ELL: variants seen among roughly 807,000 people sequenced by gnomAD.
The protein encoded by ELL is RNA polymerase II elongation factor ELL.
Under a neutral mutation model 64.0 loss-of-function variants are expected in ELL, and 18 were observed. That is an observed-to-expected ratio of 0.28 (90% CI 0.19 to 0.42). The LOEUF is 0.42. ELL is among the 10% of genes least tolerant of loss of function. The pLI is 1.00. For missense variants in ELL, 797 were observed against 870.4 expected (o/e 0.92, Z 1.06); for synonymous variants, 399 against 376.2 (o/e 1.06, Z -0.70).
At chr19:18,508,246 C>G (rs185501575) in intron 1 of ELL, among the ~76,000 whole-genome samples, 1 of 152,122 alleles carries the variant, frequency 6.6e-6, no homozygotes, top group African/African-American at 2.4e-5. Context: ...AGTTAACAGA[C>G]TGCAGTGAGC....
Position 18,520,513 on chromosome 19 carries a change from G to C in ELL, c.135+1408C>G, listed in dbSNP as rs569352040. On this transcript the variant is annotated intron_variant, in intron 1 of 11. Transcript: ENST00000262809. ...AAATGAAATCCTCATTCCATGAAGGGGAAAACTGCGACACCGGGACAGGGA... is the reference window on the plus strand; with the variant it reads ...AAATGAAATCCTCATTCCATGAAGGCGAAAACTGCGACACCGGGACAGGGA... Among the ~76,000 whole-genome samples the C allele has an allele frequency of 1.1e-4, 17 of 152,148 alleles. No individual in the cohort carries two copies. In the East Asian group the frequency reaches 3.3e-3, roughly 29 times the overall value.
chr19:18,460,739 T>C (rs1015690045), intron 5 of ELL, among the ~76,000 whole-genome samples: 5 of 152,216 alleles, frequency 3.3e-5, no homozygotes, highest in Admixed American at 3.3e-4. Context: ...ATCACCTGTG[T>C]TCCTGAGGTG....
At chr19:18,466,626 G>A (rs756846535) in intron 2 of ELL, among the ~76,000 whole-genome samples, 7 of 152,204 alleles carry the variant, frequency 4.6e-5, no homozygotes, top group Admixed American at 1.3e-4. Flanking sequence ...GACGGACTGC[G>A]CTGGTCCCGG....
In ELL at chr19:18,519,806, CAAAA is replaced by C. The variant is rs1183522203; in HGVS notation, c.135+2111_135+2114del. On this transcript the variant is annotated intron_variant, in intron 1 of 11. Coordinates refer to ENST00000262809, the MANE Select transcript of ELL (RefSeq NM_006532.4). ...TGGGCAGCAGAGTGAAACTCCATCT[CAAAA>C]AAAAAAAAAAAAAAGAAAGAAAGAA... Among the ~76,000 whole-genome samples, 258 of 63,006 alleles carry C rather than the reference CAAAA, an allele frequency of 4.1e-3. 1 individual carries two copies. Among genetic ancestry groups the C allele is most frequent in the Middle Eastern group, 0.019 (2 of 106 alleles). 41.3% of individuals were successfully genotyped at this position (63,006 alleles called of 152,430 possible).
intron 1 of ELL, among the ~76,000 whole-genome samples, chr19:18,497,433 T>C (rs1484175618): frequency 1.3e-5 from 2 of 152,148 alleles, no homozygotes; most frequent in Non-Finnish European, 2.9e-5. Flanking sequence ...TGTGTGGCAC[T>C]ACCATGGTGG....
chr19:18,457,598 T>C (rs1272786571), intron 6 of ELL, among the ~76,000 whole-genome samples: 3 of 152,172 alleles, frequency 2.0e-5, no homozygotes, highest in Non-Finnish European at 2.9e-5. Flanking sequence ...ACGGACTAAT[T>C]AGCAGATTGA....
At position 18,490,919 on chromosome 19, in the gene ELL, G is replaced by A. The variant is rs181484380; in HGVS notation, c.136-18037C>T. Among the ~76,000 whole-genome samples the A allele has an allele frequency of 1.6e-4, 24 of 152,144 alleles. No homozygotes were observed. The East Asian group carries it at 4.0e-3, about 26-fold the overall frequency. On this transcript the variant is annotated intron_variant, in intron 1 of 11. Transcript: ENST00000262809. Reference sequence around the variant, plus strand: ...CCCGGTCTCACACATGCTCACCACCGGCAGCAGGTGACATTCTCACACATG... The same window carrying A: ...CCCGGTCTCACACATGCTCACCACCAGCAGCAGGTGACATTCTCACACATG...
At position 18,443,689 on chromosome 19, in the gene ELL, C is replaced by G. The variant is rs1340955827; in HGVS notation, c.*1063G>C. 1 of 233,176 alleles carries G rather than the reference C, an allele frequency of 4.3e-6. No individual in the cohort carries two copies. The highest frequency in any genetic ancestry group is 2.2e-5 in the African/African-American group (1 of 45,320). The allele number at this position is 233,176 out of a possible 1,614,324, so 14.4% of individuals were successfully genotyped here. ...ATTGGGGTGTCTGCAGAGCCTGCAC[C>G]CCCAGAGCAGGCAGACCCATCCTCC... On this transcript the variant is annotated 3_prime_UTR_variant, in exon 12 of 12. Transcript: ENST00000262809.
intron 1 of ELL, among the ~76,000 whole-genome samples, chr19:18,500,753 T>A (rs1975765348): frequency 6.6e-6 from 1 of 152,180 alleles, no homozygotes. Flanking sequence ...CTCTGGGAAC[T>A]GTCAGGGGCC....
intron 1 of ELL, among the ~76,000 whole-genome samples, chr19:18,514,540 A>AGT (rs1976091515): frequency 6.6e-6 from 1 of 151,312 alleles, no homozygotes; most frequent in Non-Finnish European, 1.5e-5. Context: ...AAAAAAGCAA[A>AGT]GTGACAAAAT....
chr19:18,448,398 A>C (rs1213019040), intron 8 of ELL: 1 of 151,814 alleles, frequency 6.6e-6, no homozygotes, highest in African/African-American at 2.4e-5. Flanking sequence ...ACTCCCCACA[A>C]AGTTTCTAAC....
At chr19:18,471,908 A>G (rs1975071997) in intron 2 of ELL, among the ~76,000 whole-genome samples, 2 of 152,188 alleles carry the variant, frequency 1.3e-5, no homozygotes, top group African/African-American at 2.4e-5. Context: ...GCCCTAATGC[A>G]GCAGTCCCCT....
intron 1 of ELL, among the ~76,000 whole-genome samples, chr19:18,491,809 C>T (rs929680826): frequency 6.6e-6 from 1 of 152,092 alleles, no homozygotes; most frequent in African/African-American, 2.4e-5. Flanking sequence ...CCCAGCTATG[C>T]AGGAGACTGA....
intron 1 of ELL, among the ~76,000 whole-genome samples, chr19:18,476,248 G>A (rs1203974677): frequency 2.0e-5 from 3 of 152,212 alleles, no homozygotes; most frequent in Non-Finnish European, 4.4e-5. Flanking sequence ...CAGAGGGGTC[G>A]GCCCGGGGCT....
intron 5 of ELL, 32 bp from the exon 6 acceptor site, chr19:18,458,361 G>C (rs770309503): frequency 6.3e-7 from 1 of 1,599,442 alleles, no homozygotes; most frequent in Non-Finnish European, 8.5e-7. Flanking sequence ...CACTTTGTGG[G>C]AATCCTGAGA....
intron 1 of ELL, among the ~76,000 whole-genome samples, chr19:18,517,771 C>T (rs953257194): frequency 3.3e-5 from 5 of 151,450 alleles, no homozygotes; most frequent in South Asian, 2.1e-4. Context: ...CCTGTAGTCC[C>T]GGCACTCTGG....
intron 2 of ELL, among the ~76,000 whole-genome samples, chr19:18,468,146 CCACA>C (rs778706508): frequency 8.7e-5 from 13 of 148,700 alleles, no homozygotes; most frequent in Admixed American, 1.3e-4. Flanking sequence ...CCCCACACAG[CCACA>C]CAAACACAAC....
At chr19:18,460,967 TG>T (rs1196112774) in intron 5 of ELL, among the ~76,000 whole-genome samples, 2 of 151,982 alleles carry the variant, frequency 1.3e-5, no homozygotes, top group East Asian at 3.9e-4. Flanking sequence ...GGAACCTCCA[TG>T]GGTGAGGGGG....
chr19:18,513,931 AAAAACAAAAC>A (rs1313252211), intron 1 of ELL, among the ~76,000 whole-genome samples: 3 of 152,134 alleles, frequency 2.0e-5, no homozygotes, highest in Non-Finnish European at 4.4e-5. Flanking sequence ...ACTCCATCTC[AAAAACAAAAC>A]AAAACAAAAC....
Sources: gnomAD v4.1 joint callset for allele counts (sites outside exome capture counted in the v4.1 genomes callset) on GRCh38, gnomAD v4.1.1 for gene constraint, MANE v1.5 for transcripts, NCBI Gene and HGNC (gene_info 2026-07-23, HGNC 2026-07-21) for gene names.